Variants in CDH17 observed in about 807,000 individuals in gnomAD.
CDH17 encodes the protein cadherin-17.
In CDH17, 67 loss-of-function variants were observed where a neutral mutation model predicts 86.3. That is an observed-to-expected ratio of 0.78 (90% CI 0.64 to 0.95). The LOEUF is 0.95. Among genes scored for constraint, CDH17 ranks in the 40% least tolerant of loss-of-function variants. CDH17 has a pLI of 0.00. For missense variants in CDH17, 993 were observed against 1,017.6 expected, an observed-to-expected ratio of 0.98 and a Z score of 0.33; for synonymous variants, 367 against 366.4, an observed-to-expected ratio of 1.00 and a Z score of -0.02.
intron 15 of CDH17, among the ~76,000 whole-genome samples, chr8:94,137,678 C>A (rs2247948): frequency 1.3e-5 from 2 of 151,974 alleles, no homozygotes; most frequent in Non-Finnish European, 2.9e-5. Flanking sequence ...TGAAAAACAG[C>A]GCACTACATA....
intron 2 of CDH17, among the ~76,000 whole-genome samples, chr8:94,191,329 C>T (rs1290232485): frequency 6.6e-6 from 1 of 152,106 alleles, no homozygotes; most frequent in East Asian, 1.9e-4. Context: ...CATGGAATTG[C>T]TAAACCTGCC....
At chr8:94,144,322 A>C (rs1056510494) in intron 15 of CDH17, among the ~76,000 whole-genome samples, 2 of 152,186 alleles carry the variant, frequency 1.3e-5, no homozygotes, top group Non-Finnish European at 2.9e-5. Context: ...ATAACATCAA[A>C]GATCACTGAT....
chr8:94,195,028 G>T (rs1036549709), intron 1 of CDH17, among the ~76,000 whole-genome samples: 1 of 152,202 alleles, frequency 6.6e-6, no homozygotes, highest in Non-Finnish European at 1.5e-5. Context: ...TGGAAACGCA[G>T]TCTCACTTTG....
intron 15 of CDH17, among the ~76,000 whole-genome samples, chr8:94,140,237 C>T (rs1812611360): frequency 6.6e-6 from 1 of 152,066 alleles, no homozygotes; most frequent in Non-Finnish European, 1.5e-5. Context: ...GCCAGAGCAA[C>T]ATAGTGTGAC....
chr8:94,192,785 C>G (rs916243190), intron 2 of CDH17, among the ~76,000 whole-genome samples: 1 of 152,204 alleles, frequency 6.6e-6, no homozygotes, highest in African/African-American at 2.4e-5. Context: ...TTTCCCAAAC[C>G]CTGGATCACT....
chr8:94,131,435 C>T (rs1812413605), intron 15 of CDH17, among the ~76,000 whole-genome samples: 1 of 152,206 alleles, frequency 6.6e-6, no homozygotes, highest in Non-Finnish European at 1.5e-5. Context: ...TTCATTCTAA[C>T]ATTTAACTCA....
At chr8:94,146,350 A>G (rs1586239743) in intron 14 of CDH17, among the ~76,000 whole-genome samples, 183 bp from the exon 15 acceptor site, 1 of 152,376 alleles carries the variant, frequency 6.6e-6, no homozygotes, top group Non-Finnish European at 1.5e-5. Flanking sequence ...CATCATAATA[A>G]TAACTAAGAG....
At chr8:94,133,914 A>T (rs932850408) in intron 15 of CDH17, among the ~76,000 whole-genome samples, 1 of 152,142 alleles carries the variant, frequency 6.6e-6, no homozygotes, top group African/African-American at 2.4e-5. Flanking sequence ...TGAGATAATC[A>T]TGTGATTTTT....
chr8:94,197,638 C>T (rs1813809724), intron 1 of CDH17, among the ~76,000 whole-genome samples: 1 of 151,972 alleles, frequency 6.6e-6, no homozygotes. Context: ...CGAGACAAGC[C>T]TGGTCAACAT....
chr8:94,203,461 C>T (rs760888975), intron 1 of CDH17, among the ~76,000 whole-genome samples: 45 of 152,256 alleles, frequency 3.0e-4, no homozygotes, highest in Non-Finnish European at 6.0e-4. Flanking sequence ...ATTTTTCCTC[C>T]TCACTGTATA....
intron 12 of CDH17, among the ~76,000 whole-genome samples, chr8:94,153,389 G>C (rs1214103302): frequency 6.6e-6 from 1 of 152,172 alleles, no homozygotes; most frequent in East Asian, 1.9e-4. Flanking sequence ...GTGGAGAAAA[G>C]GGAACCCTGT....
intron 9 of CDH17, among the ~76,000 whole-genome samples, chr8:94,166,708 G>A (rs1813164716): frequency 6.6e-6 from 1 of 152,106 alleles, no homozygotes; most frequent in Admixed American, 6.5e-5. Context: ...TGGATTTAGA[G>A]GCAGCCCTAA....
intron 12 of CDH17, among the ~76,000 whole-genome samples, chr8:94,158,700 C>G (rs1812992518): frequency 6.6e-6 from 1 of 152,148 alleles, no homozygotes; most frequent in African/African-American, 2.4e-5. Flanking sequence ...GTCAGACTCA[C>G]ACACAAGGCT....
upstream of CDH17, among the ~76,000 whole-genome samples, chr8:94,212,499 G>GGT (rs1554592116): frequency 6.8e-6 from 1 of 148,118 alleles, no homozygotes; most frequent in Non-Finnish European, 1.5e-5. Context: ...CTGTTGTTGA[G>GGT]TTTTTTTTTT....
intron 9 of CDH17, among the ~76,000 whole-genome samples, chr8:94,168,143 T>TACGTATATATATATATATATATATAC (rs1368025212): frequency 3.0e-5 from 3 of 101,570 alleles, no homozygotes; most frequent in African/African-American, 1.8e-4. Flanking sequence ...TATATATATA[T>TACGTATATATATATATATATATATAC]ATATATATAT....
chr8:94,216,738 A>G (rs1814200191), intron 1 of CDH17, among the ~76,000 whole-genome samples: 1 of 152,218 alleles, frequency 6.6e-6, no homozygotes, highest in African/African-American at 2.4e-5. Flanking sequence ...AGTTAACTAC[A>G]CAATACTTGA....
intron 1 of CDH17, among the ~76,000 whole-genome samples, chr8:94,195,433 CTTCA>C (rs1452338064): frequency 9.2e-5 from 14 of 152,208 alleles, no homozygotes; most frequent in Admixed American, 4.6e-4. Context: ...GCTCACAATT[CTTCA>C]TTCAAAGATG....
chr8:94,152,590 G>A (rs1006988837), intron 12 of CDH17, among the ~76,000 whole-genome samples: 5 of 152,154 alleles, frequency 3.3e-5, no homozygotes, highest in Non-Finnish European at 7.3e-5. Flanking sequence ...TAGAGACAGG[G>A]TTTCACCATG....
chr8:94,171,910 G>A (rs903400969), intron 7 of CDH17, among the ~76,000 whole-genome samples: 3 of 151,710 alleles, frequency 2.0e-5, no homozygotes, highest in Non-Finnish European at 1.5e-5. Flanking sequence ...TACCTTCTTG[G>A]TTCTAAAGTG....
Sources: gnomAD v4.1 joint callset for allele counts (sites outside exome capture counted in the v4.1 genomes callset) on GRCh38, gnomAD v4.1.1 for gene constraint, MANE v1.5 for transcripts, NCBI Gene and HGNC (gene_info 2026-07-23, HGNC 2026-07-21) for gene names.